APP: variants seen among roughly 807,000 people sequenced by gnomAD.
APP encodes the protein amyloid-beta precursor protein.
A neutral mutation model predicts 101.4 loss-of-function variants in APP; 31 were observed. That is an observed-to-expected ratio of 0.31 (90% CI 0.23 to 0.41). The LOEUF (loss-of-function observed/expected upper bound fraction) is 0.41. Among genes scored for constraint, APP ranks in the 10% least tolerant of loss-of-function variants. The pLI, the probability that APP is intolerant of heterozygous loss-of-function variation, is 1.00. For synonymous variants in APP, 366 were observed against 364.4 expected, an observed-to-expected ratio of 1.00 and a Z score of -0.05; for missense variants, 839 against 1,003.7, an observed-to-expected ratio of 0.84 and a Z score of 2.22.
intron 2 of APP, among the ~76,000 whole-genome samples, chr21:26,107,321 G>C (rs1347561266): frequency 6.6e-6 from 1 of 152,158 alleles, no homozygotes; most frequent in Non-Finnish European, 1.5e-5. Context: ...GTGTGCTGGG[G>C]AAGGAATTTT....
intron 15 of APP, among the ~76,000 whole-genome samples, chr21:25,902,443 G>A (rs943298614): frequency 1.4e-5 from 2 of 146,224 alleles, no homozygotes; most frequent in African/African-American, 4.9e-5. Flanking sequence ...CTTAATACAT[G>A]TGCAGTAAAT....
chr21:26,164,031 G>C (rs1374776720), intron 1 of APP, among the ~76,000 whole-genome samples: 1 of 152,184 alleles, frequency 6.6e-6, no homozygotes, highest in African/African-American at 2.4e-5. Flanking sequence ...CGGATCACGA[G>C]GTCAAGAGTT....
At chr21:25,954,826 G>A in intron 12 of APP, 137 bp from the exon 13 acceptor site, 1 of 716,154 alleles carries the variant, frequency 1.4e-6, no homozygotes, top group Non-Finnish European at 2.3e-6. Context: ...AGCACTGCAG[G>A]TAGATACAAA....
At chr21:26,016,675 G>T (rs917380684) in intron 6 of APP, among the ~76,000 whole-genome samples, 4 of 152,098 alleles carry the variant, frequency 2.6e-5, no homozygotes. Flanking sequence ...AGGTTCAAGC[G>T]ATTCTCCTGC....
chr21:25,988,162 A>C (rs1485123149), intron 8 of APP, among the ~76,000 whole-genome samples: 1 of 152,134 alleles, frequency 6.6e-6, no homozygotes, highest in African/African-American at 2.4e-5. Flanking sequence ...CTAGCACGGA[A>C]GCCCTAAGAG....
At chr21:26,031,714 T>TA (rs2044835215) in intron 5 of APP, among the ~76,000 whole-genome samples, 1 of 152,214 alleles carries the variant, frequency 6.6e-6, no homozygotes, top group Non-Finnish European at 1.5e-5. Flanking sequence ...CCTGGGTCCC[T>TA]CCACAACATG....
chr21:26,113,740 C>T (rs763907085), intron 1 of APP, among the ~76,000 whole-genome samples: 3 of 152,190 alleles, frequency 2.0e-5, no homozygotes, highest in Non-Finnish European at 2.9e-5. Context: ...TGCAAAGCAG[C>T]AGGCTAAGTA....
At chr21:25,888,818 G>C (rs1261168755) in intron 17 of APP, among the ~76,000 whole-genome samples, 1 of 152,198 alleles carries the variant, frequency 6.6e-6, no homozygotes, top group African/African-American at 2.4e-5. Context: ...GCACTTAAAA[G>C]GCAACCGGTT....
intron 17 of APP, among the ~76,000 whole-genome samples, chr21:25,890,538 C>T (rs1299040303): frequency 1.3e-5 from 2 of 152,102 alleles, no homozygotes; most frequent in Non-Finnish European, 2.9e-5. Flanking sequence ...GTCAGGAGTT[C>T]GAGACCAGCC....
At chr21:25,961,873 A>G (rs2041596591) in intron 11 of APP, among the ~76,000 whole-genome samples, 1 of 152,098 alleles carries the variant, frequency 6.6e-6, no homozygotes, top group Admixed American at 6.5e-5. Context: ...TGGCTCACGA[A>G]AAGGATATTG....
intron 1 of APP, among the ~76,000 whole-genome samples, chr21:26,125,871 C>T (rs1312972790): frequency 2.6e-5 from 4 of 152,180 alleles, no homozygotes; most frequent in Non-Finnish European, 5.9e-5. Context: ...CAGACTTGTG[C>T]AGAGCTGCCT....
intron 8 of APP, among the ~76,000 whole-genome samples, chr21:25,986,649 G>A (rs1322707644): frequency 6.6e-6 from 1 of 152,170 alleles, no homozygotes; most frequent in Admixed American, 6.5e-5. Flanking sequence ...GCGGTGAGCC[G>A]AGATCATGCC....
chr21:25,917,448 T>A (rs2039409062), intron 13 of APP, among the ~76,000 whole-genome samples: 1 of 152,188 alleles, frequency 6.6e-6, no homozygotes, highest in Non-Finnish European at 1.5e-5. Context: ...ATCATTCATT[T>A]TGAGAAAAAT....
In APP at chr21:25,910,255, G is replaced by A. The variant is rs532550871; in HGVS notation, c.1909+1486C>T. Among the ~76,000 whole-genome samples, 327 of 152,058 alleles carry A rather than the reference G, an allele frequency of 2.2e-3. 3 individuals are homozygous for A. The highest frequency in any genetic ancestry group is 7.5e-3 in the African/African-American group (310 of 41,458). ...CCATTCTCCTGCCTCAGCCTCCCGA[G>A]TAGCTGGGACTACAGGTGCCCGCCA... On this transcript the variant is annotated intron_variant, in intron 14 of 17. Coordinates refer to ENST00000346798, the MANE Select transcript of APP (RefSeq NM_000484.4).
In APP at chr21:26,131,752, A is replaced by T. The variant is rs182477910; in HGVS notation, c.58-19606T>A. ...ACTGTTCTCATCAGTGAGAAACATT[A>T]TATGTTATCTATTGCACAATATGAC... On this transcript the variant is annotated intron_variant, in intron 1 of 17. Coordinates refer to ENST00000346798, the MANE Select transcript of APP (RefSeq NM_000484.4). Among the ~76,000 whole-genome samples the T allele has an allele frequency of 3.0e-4, 46 of 152,346 alleles. 1 individual carries two copies. Among genetic ancestry groups the T allele is most frequent in the African/African-American group, 9.9e-4 (41 of 41,568 alleles).
chr21:26,020,628 A>C (rs190106346), intron 6 of APP, among the ~76,000 whole-genome samples: 1 of 152,226 alleles, frequency 6.6e-6, no homozygotes, highest in Non-Finnish European at 1.5e-5. Flanking sequence ...GTTGACCTTT[A>C]TAAGTATTTG....
intron 7 of APP, among the ~76,000 whole-genome samples, chr21:25,999,300 C>CA (rs931985647): frequency 2.6e-4 from 39 of 151,638 alleles, no homozygotes; most frequent in African/African-American, 7.2e-4. Context: ...TTTAAAAAAA[C>CA]AAAAAAAATA....
chr21:26,150,734 T>C (rs1296166491), intron 1 of APP, among the ~76,000 whole-genome samples: 1 of 152,206 alleles, frequency 6.6e-6, no homozygotes, highest in Non-Finnish European at 1.5e-5. Context: ...ATCCCAATGC[T>C]TGGCATAGTG....
chr21:26,037,087 G>A (rs1317316123), intron 5 of APP, among the ~76,000 whole-genome samples: 1 of 152,186 alleles, frequency 6.6e-6, no homozygotes, highest in Non-Finnish European at 1.5e-5. Context: ...GATGGAACTG[G>A]AGGACATATG....
Sources: allele counts gnomAD v4.1 joint callset (sites outside exome capture counted in the v4.1 genomes callset), GRCh38; gene constraint gnomAD v4.1.1; transcripts MANE v1.5; gene names NCBI Gene and HGNC (gene_info 2026-07-23, HGNC 2026-07-21).